Variants in AKT3 observed in about 807,000 individuals in gnomAD.
AKT3 encodes the protein RAC-gamma serine/threonine-protein kinase.
A neutral mutation model predicts 65.3 loss-of-function variants in AKT3; 15 were observed. The observed-to-expected ratio is 0.23, with a 90% confidence interval of 0.15 to 0.35. The LOEUF (loss-of-function observed/expected upper bound fraction) is 0.35. AKT3 is among the 10% of genes least tolerant of loss of function. AKT3 has a pLI of 1.00. For synonymous variants in AKT3, 206 were observed against 183.8 expected, an observed-to-expected ratio of 1.12 and a Z score of -0.98; for missense variants, 243 against 576.5, an observed-to-expected ratio of 0.42 and a Z score of 5.92.
chr1:243,708,061 C>A (rs964121352), intron 2 of AKT3, among the ~76,000 whole-genome samples: 1 of 151,980 alleles, frequency 6.6e-6, no homozygotes, highest in Non-Finnish European at 1.5e-5. Flanking sequence ...ATCAAAGACA[C>A]AAAAACTAAA....
At chr1:243,715,288 T>C (rs1686434849) in intron 2 of AKT3, among the ~76,000 whole-genome samples, 1 of 152,170 alleles carries the variant, frequency 6.6e-6, no homozygotes, top group Admixed American at 6.5e-5. Context: ...ATAAACTTGG[T>C]CACCCACTAC....
chr1:243,785,476 T>C (rs771096159), intron 2 of AKT3, among the ~76,000 whole-genome samples: 7 of 152,126 alleles, frequency 4.6e-5, no homozygotes, highest in African/African-American at 1.7e-4. Context: ...TTACTACTTA[T>C]AGTTTAGAAC....
intron 11 of AKT3, among the ~76,000 whole-genome samples, chr1:243,551,384 T>C (rs1427997055): frequency 2.0e-5 from 3 of 152,184 alleles, no homozygotes; most frequent in African/African-American, 4.8e-5. Context: ...GATTACAAAA[T>C]GTTTCTTGAA....
rs576131408 is a variant in AKT3, at chr1:243,730,208, T to C, written c.47-34492A>G. Reference sequence around the variant, plus strand: ...TGCCCAGGGACCAATCAGCACACACTTCCTCCATTTTGAGCCCATAAAAAC... The same window carrying C: ...TGCCCAGGGACCAATCAGCACACACCTCCTCCATTTTGAGCCCATAAAAAC... On this transcript the variant is annotated intron_variant, in intron 2 of 13. Coordinates refer to ENST00000673466, the MANE Select transcript of AKT3 (RefSeq NM_005465.7). Among the ~76,000 whole-genome samples the C allele has an allele frequency of 1.5e-3, 230 of 152,300 alleles. 1 individual carries two copies. The highest frequency in any genetic ancestry group is 2.5e-3 in the Non-Finnish European group (169 of 68,024).
At chr1:243,611,093 C>T (rs926821779) in intron 8 of AKT3, among the ~76,000 whole-genome samples, 1 of 152,118 alleles carries the variant, frequency 6.6e-6, no homozygotes, top group Non-Finnish European at 1.5e-5. Flanking sequence ...TTGATAGATA[C>T]TGATGTAAGA....
intron 2 of AKT3, among the ~76,000 whole-genome samples, chr1:243,815,069 G>A (rs1256102518): frequency 1.3e-5 from 2 of 152,156 alleles, no homozygotes; most frequent in Non-Finnish European, 2.9e-5. Flanking sequence ...GTTTTCCCAT[G>A]AGGGTCCTAG....
At chr1:243,730,921 TGGCC>T (rs1407836959) in intron 2 of AKT3, among the ~76,000 whole-genome samples, 1 of 152,222 alleles carries the variant, frequency 6.6e-6, no homozygotes, top group Non-Finnish European at 1.5e-5. Flanking sequence ...CCACCACAGC[TGGCC>T]GGACCCTGTG....
At chr1:243,758,558 T>C (rs1179123950) in intron 2 of AKT3, among the ~76,000 whole-genome samples, 3 of 152,156 alleles carry the variant, frequency 2.0e-5, no homozygotes, top group Admixed American at 1.3e-4. Flanking sequence ...CCAACCTTTC[T>C]GGCACCAGGG....
chr1:243,730,772 G>A lies in AKT3; in HGVS notation c.47-35056C>T, dbSNP rs766842599. 1.2e-4 allele frequency among the ~76,000 whole-genome samples: 18 copies of A among 152,284 alleles called. 1 individual carries two copies. The highest frequency in any genetic ancestry group is 6.2e-4 in the South Asian group (3 of 4,820). On this transcript the variant is annotated intron_variant, in intron 2 of 13. Coordinates refer to ENST00000673466, the MANE Select transcript of AKT3 (RefSeq NM_005465.7). ...TCCTTGAGGCTCTGCAGTTGCTGGC[G>A]TCCCCAAGTTTTTAGGTGCCACCGC...
intron 3 of AKT3, among the ~76,000 whole-genome samples, chr1:243,693,240 T>TTTTA (rs1558726301): frequency 1.8e-5 from 1 of 56,498 alleles, no homozygotes; most frequent in African/African-American, 6.5e-5. Context: ...GTAGCTACAA[T>TTTTA]TTGATATATA....
intron 13 of AKT3, among the ~76,000 whole-genome samples, chr1:243,492,272 C>T (rs1666638568): frequency 6.9e-6 from 1 of 145,526 alleles, no homozygotes. Flanking sequence ...GGCACTGGCT[C>T]AAGCTCTCGG....
upstream of AKT3, among the ~76,000 whole-genome samples, chr1:243,850,760 A>G (rs1297778880): frequency 6.7e-6 from 1 of 149,460 alleles, no homozygotes; most frequent in African/African-American, 2.4e-5. Context: ...GCGCCCCCAA[A>G]CCAGCGGTGC....
intron 8 of AKT3, among the ~76,000 whole-genome samples, chr1:243,602,755 A>T (rs1257614068): frequency 6.6e-6 from 1 of 152,216 alleles, no homozygotes; most frequent in Non-Finnish European, 1.5e-5. Flanking sequence ...ATGGACAAAA[A>T]TAGTAGTACA....
chr1:243,798,995 TGTGGCCCTGGCTTCAACA>T (rs1211475869), intron 2 of AKT3, among the ~76,000 whole-genome samples: 2 of 152,206 alleles, frequency 1.3e-5, no homozygotes, highest in African/African-American at 4.8e-5. Context: ...CAAGACTGGG[TGTGGCCCTGGCTTCAACA>T]GTTATTGCAC....
chr1:243,772,965 C>T (rs1200046525), intron 2 of AKT3, among the ~76,000 whole-genome samples: 1 of 143,388 alleles, frequency 7.0e-6, no homozygotes, highest in Non-Finnish European at 1.5e-5. Flanking sequence ...CATGTTCTCA[C>T]TCATAGGTGG....
intron 4 of AKT3, among the ~76,000 whole-genome samples, chr1:243,664,014 T>C (rs972436435): frequency 6.6e-6 from 1 of 152,066 alleles, no homozygotes; most frequent in Non-Finnish European, 1.5e-5. Flanking sequence ...TCCCGCTCCT[T>C]AGACCCAATC....
chr1:243,606,389 C>T (rs1677420617), intron 8 of AKT3, among the ~76,000 whole-genome samples: 1 of 152,144 alleles, frequency 6.6e-6, no homozygotes, highest in East Asian at 1.9e-4. Flanking sequence ...CTGAGGTGGC[C>T]TCAGATGAAG....
chr1:243,535,955 G>T (rs755190039), intron 12 of AKT3, among the ~76,000 whole-genome samples: 1 of 151,932 alleles, frequency 6.6e-6, no homozygotes, highest in Non-Finnish European at 1.5e-5. Context: ...GGTTTTATTT[G>T]GTAGTTTCCT....
intron 2 of AKT3, among the ~76,000 whole-genome samples, chr1:243,785,008 C>T (rs1691162115): frequency 6.6e-6 from 1 of 152,062 alleles, no homozygotes; most frequent in African/African-American, 2.4e-5. Flanking sequence ...AGTGATCCTC[C>T]TGCCTCAGCC....
Sources: allele counts gnomAD v4.1 joint callset (sites outside exome capture counted in the v4.1 genomes callset), GRCh38; gene constraint gnomAD v4.1.1; transcripts MANE v1.5; gene names NCBI Gene and HGNC (gene_info 2026-07-23, HGNC 2026-07-21).